The following THEMIS variants were observed in gnomAD, a reference collection of about 807,000 sequenced individuals.
THEMIS encodes the protein thymocyte selection associated, also known as protein THEMIS.
Under a neutral mutation model 52.6 loss-of-function variants are expected in THEMIS, and 37 were observed. That is an observed-to-expected ratio of 0.70 (90% CI 0.54 to 0.93). The LOEUF (loss-of-function observed/expected upper bound fraction) is 0.93. Among genes scored for constraint, THEMIS ranks in the 40% least tolerant of loss-of-function variants. THEMIS has a pLI of 0.00. For missense variants in THEMIS, 808 were observed against 763.1 expected (o/e 1.06, Z -0.69); for synonymous variants, 292 against 272.7 (o/e 1.07, Z -0.70).
At chr6:127,847,847 C>A (rs776825678) in intron 2 of THEMIS, among the ~76,000 whole-genome samples, 217 of 150,874 alleles carry the variant, frequency 1.4e-3, no homozygotes, top group Admixed American at 2.2e-3. Flanking sequence ...GCAATACTAA[C>A]CAAAAAGAAC....
chr6:127,868,184 C>T (rs1456574924), intron 1 of THEMIS, among the ~76,000 whole-genome samples: 1 of 151,988 alleles, frequency 6.6e-6, no homozygotes, highest in East Asian at 1.9e-4. Context: ...CGTGCATAGC[C>T]CCGCCCCTGG....
chr6:127,827,068 G>A (rs1778533692), intron 3 of THEMIS, among the ~76,000 whole-genome samples: 1 of 151,808 alleles, frequency 6.6e-6, no homozygotes, highest in Non-Finnish European at 1.5e-5. Context: ...GCTCCCTGTA[G>A]TTCTCAGTAT....
At position 127,733,775 on chromosome 6, in the gene THEMIS, A is replaced by C. The variant is rs143542362; in HGVS notation, c.1759-13952T>G. Among the ~76,000 whole-genome samples the C allele has an allele frequency of 6.1e-3, 927 of 152,296 alleles. 6 individuals are homozygous for C. Among genetic ancestry groups the C allele is most frequent in the African/African-American group, 0.021 (865 of 41,566 alleles). ...TAAGACAGAAGAACGTTTTGGGAGG[A>C]AGACCGCTCACAGACAAAACAATCC... On this transcript the variant is annotated intron_variant, in intron 4 of 5. Transcript: ENST00000368248.
chr6:127,701,705 T>C, the THEMIS span, among the ~76,000 whole-genome samples: 1 of 152,076 alleles, frequency 6.6e-6, no homozygotes, highest in Non-Finnish European at 1.5e-5. Flanking sequence ...AAAACGTTCA[T>C]TTTTTGAAAA....
rs1413219517 is a variant in THEMIS, at chr6:127,813,843, C to G, written c.798G>C (p.Gln266His). 1.9e-6 allele frequency: 3 copies of G among 1,613,494 alleles called. No homozygotes were observed. In the African/African-American group the frequency reaches 4.0e-5, roughly 22 times the overall value. ...CAAAAAGATCTTCTGTTGATAACAG[C>G]TGAAGAAACCAGTTAGCATCGTAAG... is the stretch of plus-strand genomic sequence containing the variant. ...TDSYDANWFL[Q>H]LLSTEDLFEM... Residue 266 changes from glutamine (Q) to histidine (H), a missense_variant, in exon 4 of 6, where the codon CAG becomes CAC. Physicochemically the swap from Gln to His is conservative, Grantham distance 24. Coordinates refer to ENST00000368248, the MANE Select transcript of THEMIS (RefSeq NM_001010923.3).
chr6:127,864,519 G>C (rs2114350742), intron 1 of THEMIS, among the ~76,000 whole-genome samples: 1 of 152,154 alleles, frequency 6.6e-6, no homozygotes, highest in Middle Eastern at 3.4e-3. Flanking sequence ...TCAATAGAGA[G>C]GCATCCTGGA....
At chr6:127,847,947 T>C (rs1252496679) in intron 2 of THEMIS, among the ~76,000 whole-genome samples, 1 of 150,758 alleles carries the variant, frequency 6.6e-6, no homozygotes, top group Non-Finnish European at 1.5e-5. Context: ...CTTTAAGTTT[T>C]AGGGTACATG....
intron 1 of THEMIS, among the ~76,000 whole-genome samples, chr6:127,878,419 G>A (rs536189222): frequency 5.9e-5 from 9 of 151,810 alleles, no homozygotes; most frequent in Non-Finnish European, 1.2e-4. Context: ...AAGCTGACAC[G>A]TGGCCATATA....
Position 127,908,089 on chromosome 6 carries a change from C to G in THEMIS, c.-149-7008G>C, listed in dbSNP as rs141921757. Among the ~76,000 whole-genome samples the G allele has an allele frequency of 2.8e-3, 431 of 152,212 alleles. 5 individuals carry two copies. The highest frequency in any genetic ancestry group is 9.8e-3 in the African/African-American group (409 of 41,556). On this transcript the variant is annotated intron_variant, in intron 1 of 6. Transcript: ENST00000368250. ...ACCTGGTTTTCAAAGAAGCTCCTGCCTCCCGGCACTTTTAGTTTCCTTTTG... is the reference window on the plus strand; with the variant it reads ...ACCTGGTTTTCAAAGAAGCTCCTGCGTCCCGGCACTTTTAGTTTCCTTTTG...
In THEMIS at chr6:127,775,475, G is replaced by A. The variant is rs146501364; in HGVS notation, c.1758+37408C>T. Among the ~76,000 whole-genome samples the A allele has an allele frequency of 5.3e-4, 80 of 152,210 alleles. 2 individuals carry two copies. In the East Asian group the frequency reaches 0.012, roughly 23 times the overall value. ...TTCTTAGAAGCAATTTCTGCTGAGA[G>A]GAAAATGAGACACTCTTCCACAATT... On this transcript the variant is annotated intron_variant, in intron 4 of 5. Transcript: ENST00000368248.
In THEMIS at chr6:127,813,553, T is replaced by A. The variant is rs1426487776; in HGVS notation, c.1088A>T (p.Glu363Val). The change falls in exon 4 of 6, where the codon GAG becomes GTG. Residue 363 changes from glutamate to valine, a missense_variant. Glu to Val is a moderately radical substitution (Grantham distance 121). Coordinates refer to ENST00000368248, the MANE Select transcript of THEMIS (RefSeq NM_001010923.3). The stretch of plus-strand genomic sequence containing the variant: ...TTTGGTGGCCACCACGTGAAGAGGC[T>A]CCTTTTCACTCTTAGCGATCTCTAG... ...YDLEIAKSEK[E>V]PLHVVATKAF... is the part of the protein sequence containing the mutation. 1 of 1,613,118 alleles carries A rather than the reference T, an allele frequency of 6.2e-7. No homozygotes were observed. The highest frequency in any genetic ancestry group is 2.2e-5 in the East Asian group (1 of 44,880).
At chr6:127,838,627 T>C (rs1778946825) in intron 2 of THEMIS, among the ~76,000 whole-genome samples, 1 of 152,100 alleles carries the variant, frequency 6.6e-6, no homozygotes, top group African/African-American at 2.4e-5. Flanking sequence ...CATAAGATAG[T>C]TTTCCTTAAA....
chr6:127,870,244 T>C (rs1780116486), intron 1 of THEMIS, among the ~76,000 whole-genome samples: 1 of 152,168 alleles, frequency 6.6e-6, no homozygotes, highest in South Asian at 2.1e-4. Flanking sequence ...AGAGGCCCAG[T>C]AATAAGGCAA....
downstream of THEMIS, chr6:127,708,062 T>G (rs1311101678): frequency 6.6e-6 from 1 of 151,498 alleles, no homozygotes; most frequent in Non-Finnish European, 1.5e-5. Context: ...ACAATCTCCC[T>G]CCTCATGGCT....
intron 1 of THEMIS, among the ~76,000 whole-genome samples, chr6:127,869,367 T>C (rs1227371989): frequency 6.6e-6 from 1 of 152,200 alleles, no homozygotes; most frequent in African/African-American, 2.4e-5. Flanking sequence ...CACTATAGAG[T>C]ATCAGTTGTT....
chr6:127,826,247 C>T lies in THEMIS; in HGVS notation c.709+3229G>A, dbSNP rs567471996. Among the ~76,000 whole-genome samples, 16 of 152,184 alleles carry T rather than the reference C, an allele frequency of 1.1e-4. No individual in the cohort carries two copies. The East Asian group carries it at 2.9e-3, about 28-fold the overall frequency. On this transcript the variant is annotated intron_variant, in intron 3 of 5. Coordinates refer to ENST00000368248, the MANE Select transcript of THEMIS (RefSeq NM_001010923.3). Reference sequence around the variant, plus strand: ...CAAGGGCATAAAGGTTTGCTGATAACATTGTTATAATTCTTTTCACTATTT... The same window carrying T: ...CAAGGGCATAAAGGTTTGCTGATAATATTGTTATAATTCTTTTCACTATTT...
chr6:127,807,052 C>G (rs1777736249), intron 4 of THEMIS, among the ~76,000 whole-genome samples: 1 of 152,142 alleles, frequency 6.6e-6, no homozygotes, highest in Non-Finnish European at 1.5e-5. Flanking sequence ...AAGGAAAGCT[C>G]AAATAGCTAC....
chr6:127,900,804 G>C, intron 1 of THEMIS, 38 bp downstream of exon 1: 1 of 1,560,096 alleles, frequency 6.4e-7, no homozygotes, highest in South Asian at 1.1e-5. Context: ...TACTTTACAA[G>C]AATGTTCTAG....
In THEMIS at chr6:127,813,654, T is replaced by C; in HGVS notation, c.987A>G (p.Lys329=). 3 of 1,614,078 alleles carry C rather than the reference T, an allele frequency of 1.9e-6. No individual in the cohort carries two copies. The highest frequency in any genetic ancestry group is 2.5e-6 in the Non-Finnish European group (3 of 1,179,978). ...AGCTAGTGGGGATCAAGAAGTGTCT[T>C]TTAGGAAAATTGCTTCTAATTTCTG... is the stretch of plus-strand genomic sequence containing the variant. The part of the protein sequence containing the change: ...LASEIRSNFP[K]RHFLIPTSYK... The change falls in exon 4 of 6, where the codon AAA becomes AAG. Residue 329 remains lysine (K), a synonymous_variant. Transcript: ENST00000368248.
Sources: gnomAD v4.1 joint callset for allele counts (sites outside exome capture counted in the v4.1 genomes callset) on GRCh38, gnomAD v4.1.1 for gene constraint, MANE v1.5 for transcripts, NCBI Gene and HGNC (gene_info 2026-07-23, HGNC 2026-07-21) for gene names.